Variants in UBE3C observed in about 807,000 individuals in gnomAD.
UBE3C encodes ubiquitin-protein ligase E3C.
A neutral mutation model predicts 129.4 loss-of-function variants in UBE3C; 42 were observed. The observed-to-expected ratio is 0.32, with a 90% CI of 0.25 to 0.42. The LOEUF (loss-of-function observed/expected upper bound fraction) is 0.42. Ranked by LOEUF, UBE3C falls within the 10% of genes least tolerant of loss-of-function variation. UBE3C has a pLI of 1.00. For missense variants in UBE3C, 1,049 were observed against 1,319.1 expected, an observed-to-expected ratio of 0.80 and a Z score of 3.17; for synonymous variants, 510 against 492.4, an observed-to-expected ratio of 1.04 and a Z score of -0.47.
Position 157,207,917 on chromosome 7 carries a change from A to T in UBE3C, c.1791A>T (p.Arg597Ser). 1 of 1,593,318 alleles carries T rather than the reference A, an allele frequency of 6.3e-7. No individual in the cohort carries two copies. The highest frequency in any genetic ancestry group is 8.5e-7 in the Non-Finnish European group (1 of 1,171,856). ...MQQCIQMEQK[R>S]WIQLFKVITN... ...AATGCATACAGATGGAACAGAAAAG[A>T]TGGATTCAGTTATTTAAGGTATAGA... is the stretch of plus-strand genomic sequence containing the variant. Residue 597 changes from arginine (R) to serine (S), a missense_variant, in exon 13 of 23, where the codon AGA becomes AGT. By Grantham distance (110) the Arg-to-Ser change is moderately radical (BLOSUM62 -1). Coordinates refer to ENST00000348165, the MANE Select transcript of UBE3C (RefSeq NM_014671.3).
intron 3 of UBE3C, among the ~76,000 whole-genome samples, 187 bp from the exon 4 acceptor site, chr7:157,170,117 G>GTTTT (rs146750630): frequency 4.4e-5 from 6 of 134,878 alleles, no homozygotes; most frequent in African/African-American, 1.1e-4. Context: ...ACCATGCCTG[G>GTTTT]TTTTTTTTTT....
chr7:157,165,397 CTT>C (rs34554349), intron 2 of UBE3C, among the ~76,000 whole-genome samples: 96 of 124,606 alleles, frequency 7.7e-4, no homozygotes, highest in African/African-American at 1.6e-3. Flanking sequence ...TTAGCATTGA[CTT>C]TTTTTTTTTT....
At chr7:157,246,467 G>A (rs77653755) in intron 18 of UBE3C, among the ~76,000 whole-genome samples, 3,188 of 152,234 alleles carry the variant, frequency 0.021, 135 homozygotes, top group African/African-American at 0.073. Context: ...CCTCTAGGTT[G>A]GAAGGGTGAC....
Position 157,198,190 on chromosome 7 carries a change from C to T in UBE3C, c.1332-3531C>T. On this transcript the variant is annotated intron_variant, in intron 10 of 22. Transcript: ENST00000348165. Reference sequence around the variant, plus strand: ...ATCTGAACATCTTGTAGCTGATTTTCTCCATGCATATATTCAGACCGCTTA... The same window carrying T: ...ATCTGAACATCTTGTAGCTGATTTTTTCCATGCATATATTCAGACCGCTTA... The T allele has an allele frequency of 5.0e-6, 8 of 1,591,604 alleles. No individual in the cohort carries two copies. The South Asian group carries it at 7.7e-5, about 15-fold the overall frequency.
intron 10 of UBE3C, among the ~76,000 whole-genome samples, chr7:157,193,661 C>CTT (rs35221804): frequency 0.022 from 3,093 of 140,694 alleles, 116 homozygotes; most frequent in African/African-American, 0.073. Flanking sequence ...AGAAATTTGT[C>CTT]TTTTTTTTTT....
chr7:157,149,530 C>G (rs1055494248), intron 1 of UBE3C, among the ~76,000 whole-genome samples: 2 of 152,102 alleles, frequency 1.3e-5, no homozygotes, highest in African/African-American at 4.8e-5. Flanking sequence ...CATGCACAGG[C>G]GGACCCTGCA....
At chr7:157,182,645 T>C (rs1056150105) in intron 8 of UBE3C, among the ~76,000 whole-genome samples, 3 of 152,266 alleles carry the variant, frequency 2.0e-5, no homozygotes, top group South Asian at 4.1e-4. Context: ...GTGCCTCTTC[T>C]AGAATAACAT....
rs951022657 is a variant in UBE3C, at chr7:157,242,527, T to G, written c.2482-5841T>G. On this transcript the variant is annotated intron_variant, in intron 18 of 22. Coordinates refer to ENST00000348165, the MANE Select transcript of UBE3C (RefSeq NM_014671.3). ...TGAGCCTGAGTTGTTTTTTTTTTTT[T>G]TTTTTTTTTTAAATTCCTACTGTCT... Among the ~76,000 whole-genome samples, 6 of 143,164 alleles carry G rather than the reference T, an allele frequency of 4.2e-5. No individual in the cohort carries two copies. In the South Asian group the frequency reaches 1.3e-3, roughly 32 times the overall value. 93.9% of individuals were successfully genotyped at this position (143,164 alleles called of 152,430 possible). A position where few individuals can be genotyped will look rare whatever the true frequency, so the allele number is the denominator to read the frequency against.
In UBE3C at chr7:157,240,053, G is replaced by A. The variant is rs547029782; in HGVS notation, c.2482-8315G>A. ...TTCTGAATCTGGAACTCTAGGGCTA[G>A]GGCTCAGCAAGCTGTGTGTTTTGGT... On this transcript the variant is annotated intron_variant, in intron 18 of 22. Coordinates refer to ENST00000348165, the MANE Select transcript of UBE3C (RefSeq NM_014671.3). Among the ~76,000 whole-genome samples, 27 of 152,294 alleles carry A rather than the reference G, an allele frequency of 1.8e-4. 1 individual carries two copies. The South Asian group carries it at 5.6e-3, about 32-fold the overall frequency.
chr7:157,221,443 A>C (rs1795733692), intron 15 of UBE3C: 1 of 152,110 alleles, frequency 6.6e-6, no homozygotes. Context: ...TGTCATTTAA[A>C]AAAAAAAAAT....
At position 157,184,016 on chromosome 7, in the gene UBE3C, A is replaced by G; in HGVS notation, c.1130A>G (p.Lys377Arg). 6.2e-7 allele frequency: 1 copy of G among 1,614,122 alleles called. No individual in the cohort carries two copies. The highest frequency in any genetic ancestry group is 8.5e-7 in the Non-Finnish European group (1 of 1,179,988). Reference protein sequence around the residue: ...DSEEESEEADKPSSPEDGRLS... With the variant: ...DSEEESEEADRPSSPEDGRLS... ...GAGGAGGAGAGTGAAGAAGCCGACA[A>G]GCCCTCAAGCCCGGTAAGCCCCGTG... The change falls in exon 9 of 23, where the codon AAG becomes AGG. Residue 377 changes from lysine (K) to arginine (R), a missense_variant. Coordinates refer to ENST00000348165, the MANE Select transcript of UBE3C (RefSeq NM_014671.3).
At chr7:157,220,192 C>CAGAGT (rs1795699167) in intron 14 of UBE3C, among the ~76,000 whole-genome samples, 1 of 151,968 alleles carries the variant, frequency 6.6e-6, no homozygotes, top group Non-Finnish European at 1.5e-5. Flanking sequence ...GCCTGGGTGA[C>CAGAGT]AGAGTGAGAC....
intron 1 of UBE3C, among the ~76,000 whole-genome samples, chr7:157,140,866 A>C (rs565286007): frequency 7.9e-5 from 12 of 152,192 alleles, no homozygotes; most frequent in African/African-American, 2.9e-4. Flanking sequence ...TAAAAACAAA[A>C]CTCTTTTTAT....
chr7:157,161,219 T>C (rs1444309460), intron 1 of UBE3C, among the ~76,000 whole-genome samples: 1 of 152,228 alleles, frequency 6.6e-6, no homozygotes, highest in Admixed American at 6.5e-5. Flanking sequence ...CTGCTTAATG[T>C]AGAAGTGAGT....
At chr7:157,175,105 C>A in intron 5 of UBE3C, 71 bp downstream of exon 5, 170 of 637,660 alleles carry the variant, frequency 2.7e-4, no homozygotes, top group Non-Finnish European at 3.2e-4. Flanking sequence ...CACCTTTTGA[C>A]TTTTATTTTC....
At chr7:157,215,520 C>A (rs1028197555) in intron 13 of UBE3C, among the ~76,000 whole-genome samples, 1 of 146,218 alleles carries the variant, frequency 6.8e-6, no homozygotes, top group African/African-American at 2.5e-5. Flanking sequence ...CAATTTATAA[C>A]TATAATATAA....
In UBE3C at chr7:157,169,135, T is replaced by C; in HGVS notation, c.195+13T>C. Reference sequence around the variant, plus strand: ...CAGAAAACAGCAAGTAAGTTTGTTTTAAAATGAGGAGATTAGTAGGGCATG... The same window carrying C: ...CAGAAAACAGCAAGTAAGTTTGTTTCAAAATGAGGAGATTAGTAGGGCATG... On this transcript the variant is annotated intron_variant, in intron 3 of 22. Transcript: ENST00000348165. The C allele has an allele frequency of 6.2e-7, 1 of 1,607,914 alleles. No individual in the cohort carries two copies. Among genetic ancestry groups the C allele is most frequent in the Non-Finnish European group, 8.5e-7 (1 of 1,175,064 alleles).
At chr7:157,154,517 C>T (rs915317025) in intron 1 of UBE3C, among the ~76,000 whole-genome samples, 1 of 152,082 alleles carries the variant, frequency 6.6e-6, no homozygotes, top group Admixed American at 6.5e-5. Context: ...CTTAGTGATT[C>T]CATATCGGCA....
chr7:157,187,221 C>T (rs1269950793), intron 10 of UBE3C, among the ~76,000 whole-genome samples, 200 bp downstream of exon 10: 2 of 152,138 alleles, frequency 1.3e-5, no homozygotes, highest in African/African-American at 2.4e-5. Context: ...CTTTTCCTGG[C>T]CCGTGAGGCT....
Sources: gnomAD v4.1 joint callset for allele counts (sites outside exome capture counted in the v4.1 genomes callset) on GRCh38, gnomAD v4.1.1 for gene constraint, MANE v1.5 for transcripts, NCBI Gene and HGNC (gene_info 2026-07-23, HGNC 2026-07-21) for gene names.